Variants in RSRC1 observed in about 807,000 individuals in gnomAD.
RSRC1 encodes serine/Arginine-related protein 53.
Under a neutral mutation model 49.1 loss-of-function variants are expected in RSRC1, and 39 were observed. The ratio of observed to expected loss-of-function variants is 0.79; its 90% CI spans 0.61 to 1.04. The LOEUF (loss-of-function observed/expected upper bound fraction) is 1.04. Ranked by LOEUF, RSRC1 falls within the 50% of genes least tolerant of loss-of-function variation. The pLI, the probability that RSRC1 is intolerant of heterozygous loss-of-function variation, is 0.00. For synonymous variants in RSRC1, 143 were observed against 130.8 expected (o/e 1.09, Z -0.63); for missense variants, 388 against 402.4 (o/e 0.96, Z 0.31).
chr3:158,177,516 A>G (rs1719299646), intron 3 of RSRC1, among the ~76,000 whole-genome samples: 1 of 152,146 alleles, frequency 6.6e-6, no homozygotes, highest in African/African-American at 2.4e-5. Context: ...GCTGGAAACC[A>G]TCATTCTTAG....
At chr3:158,170,440 T>C (rs1315976224) in intron 3 of RSRC1, among the ~76,000 whole-genome samples, 1 of 152,142 alleles carries the variant, frequency 6.6e-6, no homozygotes, top group African/African-American at 2.4e-5. Context: ...TTTAGACTTT[T>C]GGTGCTTGAA....
intron 7 of RSRC1, among the ~76,000 whole-genome samples, chr3:158,520,173 A>G (rs1576604672): frequency 6.6e-6 from 1 of 152,282 alleles, no homozygotes; most frequent in East Asian, 1.9e-4. Flanking sequence ...CACTTTTCCA[A>G]ATTTAATTTG....
At chr3:158,293,615 A>G (rs187510666) in intron 4 of RSRC1, among the ~76,000 whole-genome samples, 150 of 152,106 alleles carry the variant, frequency 9.9e-4, no homozygotes, top group African/African-American at 3.4e-3. Context: ...ATTCTAGGCC[A>G]TCCTTTACTT....
chr3:158,347,194 T>A (rs778649428), intron 5 of RSRC1, among the ~76,000 whole-genome samples: 1 of 152,246 alleles, frequency 6.6e-6, no homozygotes, highest in Non-Finnish European at 1.5e-5. Context: ...TACTGTAAGA[T>A]CCTTGAAGTC....
At chr3:158,266,954 C>T (rs827093) in intron 4 of RSRC1, among the ~76,000 whole-genome samples, 1 of 151,944 alleles carries the variant, frequency 6.6e-6, no homozygotes, top group Non-Finnish European at 1.5e-5. Flanking sequence ...TGTAGAGACA[C>T]TGTTTCGCTG....
At chr3:158,163,869 G>A (rs1010475373) in intron 3 of RSRC1, among the ~76,000 whole-genome samples, 12 of 151,682 alleles carry the variant, frequency 7.9e-5, no homozygotes, top group East Asian at 1.9e-4. Flanking sequence ...TCCCAGCACC[G>A]TGAAAAGTAA....
chr3:158,198,487 A>G (rs1306574581), intron 3 of RSRC1, among the ~76,000 whole-genome samples: 1 of 152,140 alleles, frequency 6.6e-6, no homozygotes, highest in South Asian at 2.1e-4. Flanking sequence ...TAGCCCATTT[A>G]TATTTAAGGT....
chr3:158,398,807 A>G (rs1381529123), intron 6 of RSRC1, among the ~76,000 whole-genome samples: 1 of 152,060 alleles, frequency 6.6e-6, no homozygotes, highest in Non-Finnish European at 1.5e-5. Flanking sequence ...TATCCTAATC[A>G]CCTAAGACAG....
At chr3:158,421,097 T>C (rs1400607765) in intron 6 of RSRC1, among the ~76,000 whole-genome samples, 1 of 151,884 alleles carries the variant, frequency 6.6e-6, no homozygotes, top group Non-Finnish European at 1.5e-5. Flanking sequence ...TGTTAGACTT[T>C]CAGTGTTGAA....
intron 4 of RSRC1, among the ~76,000 whole-genome samples, chr3:158,284,409 G>C (rs1408949223): frequency 2.0e-5 from 3 of 146,844 alleles, no homozygotes; most frequent in Non-Finnish European, 4.5e-5. Context: ...TATATACCCA[G>C]TAATGGGATG....
chr3:158,312,561 A>T (rs1193508), intron 5 of RSRC1, among the ~76,000 whole-genome samples: 66,402 of 152,006 alleles, frequency 0.44, 14,824 homozygotes, highest in East Asian at 0.64. Context: ...AAAAGTGCAG[A>T]GTGCTATGAA....
At chr3:158,498,805 A>G (rs2108457522) in intron 7 of RSRC1, among the ~76,000 whole-genome samples, 1 of 152,276 alleles carries the variant, frequency 6.6e-6, no homozygotes, top group Non-Finnish European at 1.5e-5. Context: ...CAATTATCCC[A>G]TCACCATTTA....
intron 5 of RSRC1, among the ~76,000 whole-genome samples, chr3:158,303,871 G>C (rs1325443963): frequency 6.6e-6 from 1 of 152,136 alleles, no homozygotes; most frequent in East Asian, 1.9e-4. Flanking sequence ...TATTTTTCAG[G>C]ACTGGAGTTG....
chr3:158,393,804 A>G (rs950245574), intron 6 of RSRC1, among the ~76,000 whole-genome samples: 8 of 152,082 alleles, frequency 5.3e-5, no homozygotes, highest in South Asian at 4.1e-4. Context: ...AACTTTTTCT[A>G]TGAGGCCAGC....
At chr3:158,504,178 G>T (rs1302031164) in intron 7 of RSRC1, among the ~76,000 whole-genome samples, 1 of 152,204 alleles carries the variant, frequency 6.6e-6, no homozygotes, top group Non-Finnish European at 1.5e-5. Flanking sequence ...GGGAGAGGAG[G>T]CTGTCCCATT....
intron 7 of RSRC1, among the ~76,000 whole-genome samples, chr3:158,518,484 A>C (rs1036637669): frequency 6.6e-6 from 1 of 151,562 alleles, no homozygotes; most frequent in Non-Finnish European, 1.5e-5. Context: ...TCAACAATAC[A>C]TTTAATTTGA....
At chr3:158,409,049 A>ATAG (rs1281090641) in intron 6 of RSRC1, among the ~76,000 whole-genome samples, 2 of 151,938 alleles carry the variant, frequency 1.3e-5, no homozygotes, top group African/African-American at 4.8e-5. Flanking sequence ...AATAATAATA[A>ATAG]TAATTAATAA....
chr3:158,320,120 G>C (rs1433676786), intron 5 of RSRC1, among the ~76,000 whole-genome samples: 4 of 152,174 alleles, frequency 2.6e-5, no homozygotes, highest in African/African-American at 9.6e-5. Flanking sequence ...TTTACATAAT[G>C]TCCCTTGATT....
chr3:158,365,991 G>A (rs1402395620), intron 6 of RSRC1, among the ~76,000 whole-genome samples: 1 of 151,902 alleles, frequency 6.6e-6, no homozygotes, highest in Non-Finnish European at 1.5e-5. Flanking sequence ...ACTTTTTAAT[G>A]GGGTTGTTTT....
Sources: gnomAD v4.1 joint callset for allele counts (sites outside exome capture counted in the v4.1 genomes callset) on GRCh38, gnomAD v4.1.1 for gene constraint, MANE v1.5 for transcripts, NCBI Gene and HGNC (gene_info 2026-07-23, HGNC 2026-07-21) for gene names.